The following ADGRV1 variants were observed in gnomAD, a reference collection of about 807,000 sequenced individuals.
ADGRV1 encodes adhesion G protein-coupled receptor V1, also known as G-protein coupled receptor 98.
In ADGRV1, 359 loss-of-function variants were observed where a neutral mutation model predicts 596.2. The observed-to-expected ratio is 0.60, with a 90% CI of 0.55 to 0.66. ADGRV1 has a LOEUF of 0.66. Ranked by LOEUF, ADGRV1 falls within the 30% of genes least tolerant of loss-of-function variation. ADGRV1 has a pLI of 0.00. For synonymous variants in ADGRV1, 2,681 were observed against 2,679.2 expected, an observed-to-expected ratio of 1.00 and a Z score of -0.02; for missense variants, 7,274 against 7,575.6, an observed-to-expected ratio of 0.96 and a Z score of 1.48.
intron 4 of ADGRV1, among the ~76,000 whole-genome samples, chr5:90,621,580 C>T (rs148506463): frequency 2.6e-5 from 4 of 152,264 alleles, no homozygotes; most frequent in African/African-American, 7.2e-5. Context: ...GTATCACCTC[C>T]GACCTCATAC....
At chr5:90,799,796 T>C (rs1449016392) in intron 70 of ADGRV1, among the ~76,000 whole-genome samples, 3 of 152,154 alleles carry the variant, frequency 2.0e-5, no homozygotes, top group African/African-American at 4.8e-5. Context: ...CATCTGATCT[T>C]TGACAAACCT....
chr5:90,736,215 A>G (rs1485769343), intron 50 of ADGRV1, among the ~76,000 whole-genome samples: 1 of 152,076 alleles, frequency 6.6e-6, no homozygotes, highest in Non-Finnish European at 1.5e-5. Context: ...AATACTTTGC[A>G]TCAATTTAGA....
Position 90,778,537 on chromosome 5 carries a change from G to T in ADGRV1, c.12777G>T (p.Val4259=). The change falls in exon 63 of 90, where the codon GTG becomes GTT. Residue 4259 remains valine, a synonymous_variant. Coordinates refer to ENST00000405460, the MANE Select transcript of ADGRV1 (RefSeq NM_032119.4). ...CCAGCAGCACTGCCAACATCACGGT[G>T]GTGGCCAGCGACTCTCCCTATGGCC... is the stretch of plus-strand genomic sequence containing the variant. ...SESSSTANIT[V]VASDSPYGRF... 1.2e-6 allele frequency: 2 copies of T among 1,612,776 alleles called. No individual in the cohort carries two copies. The highest frequency in any genetic ancestry group is 8.5e-7 in the Non-Finnish European group (1 of 1,179,330).
chr5:90,847,460 G>A (rs1766007816), intron 78 of ADGRV1, among the ~76,000 whole-genome samples: 1 of 152,232 alleles, frequency 6.6e-6, no homozygotes, highest in Admixed American at 6.5e-5. Flanking sequence ...TTCACCCAGT[G>A]GATCCCGCAC....
At chr5:90,822,303 G>T (rs1489940542) in intron 75 of ADGRV1, 2 of 153,366 alleles carry the variant, frequency 1.3e-5, no homozygotes, top group Non-Finnish European at 2.9e-5. Flanking sequence ...CCACTGACCT[G>T]CGCCCACTGT....
intron 59 of ADGRV1, among the ~76,000 whole-genome samples, chr5:90,765,010 A>T (rs949754058): frequency 1.3e-5 from 2 of 152,110 alleles, no homozygotes; most frequent in Non-Finnish European, 2.9e-5. Context: ...GGAGGAGAGA[A>T]GCACTCCCAC....
rs370594756 is a variant in ADGRV1 at position 90,896,868 on chromosome 5, C to T, written c.17856+33011C>T. ...TTGTGCCTGCACCAGCACAAGACAG[C>T]ATTAATTGGGCAAGAAGGGGCCTAT... On this transcript the variant is annotated intron_variant, in intron 83 of 89. Coordinates refer to ENST00000405460, the MANE Select transcript of ADGRV1 (RefSeq NM_032119.4). Among the ~76,000 whole-genome samples, 25 of 152,280 alleles carry T rather than the reference C, an allele frequency of 1.6e-4. No homozygotes were observed. The East Asian group carries it at 4.1e-3, about 25-fold the overall frequency.
Position 90,658,136 on chromosome 5 carries a change from GAGA to G in ADGRV1, c.4615_4617del (p.Glu1539del). ...GCAAGAGATGACAATGACGAGGAAG[GAGA>G]AGAATTATTCATTCTTAAACTAGTT... On this transcript the variant is annotated inframe_deletion, in exon 21 of 90. Coordinates refer to ENST00000405460, the MANE Select transcript of ADGRV1 (RefSeq NM_032119.4). 6.2e-7 allele frequency: 1 copy of G among 1,613,596 alleles called. No individual in the cohort carries two copies. The highest frequency in any genetic ancestry group is 8.5e-7 in the Non-Finnish European group (1 of 1,179,606).
Position 90,941,758 on chromosome 5 carries a change from G to C in ADGRV1, c.17857-23657G>C, listed in dbSNP as rs559876853. 2.6e-5 allele frequency among the ~76,000 whole-genome samples: 4 copies of C among 152,312 alleles called. No homozygotes were observed. In the South Asian group the frequency reaches 8.3e-4, roughly 32 times the overall value. ...AATAAAACCCACAGCTAAGTTAGGC[G>C]TGTATGTTGATGTTTCATTTAGTAG... On this transcript the variant is annotated intron_variant, in intron 83 of 89. Transcript: ENST00000405460.
intron 83 of ADGRV1, among the ~76,000 whole-genome samples, chr5:90,887,692 A>G (rs1271019883): frequency 6.6e-6 from 1 of 152,196 alleles, no homozygotes; most frequent in East Asian, 1.9e-4. Context: ...AGATTTTATA[A>G]TAAAAAATAA....
intron 1 of ADGRV1, among the ~76,000 whole-genome samples, chr5:90,572,284 G>A (rs1454253020): frequency 6.6e-6 from 1 of 152,064 alleles, no homozygotes; most frequent in African/African-American, 2.4e-5. Context: ...GAAGGATAAA[G>A]GAGGCATTTA....
At chr5:90,799,324 C>A (rs140201441) in intron 70 of ADGRV1, among the ~76,000 whole-genome samples, 6,574 of 152,064 alleles carry the variant, frequency 0.043, 504 homozygotes, top group African/African-American at 0.15. Context: ...ACTCCCATTC[C>A]CAATTGCTAC....
At chr5:90,670,407 A>C (rs972917516) in intron 21 of ADGRV1, among the ~76,000 whole-genome samples, 6 of 152,214 alleles carry the variant, frequency 3.9e-5, no homozygotes, top group Non-Finnish European at 7.3e-5. Flanking sequence ...TACTGCTTCA[A>C]CCCTGAGCAG....
chr5:91,019,795 G>A (rs533419524), intron 85 of ADGRV1, among the ~76,000 whole-genome samples: 5 of 151,966 alleles, frequency 3.3e-5, no homozygotes, highest in South Asian at 4.1e-4. Flanking sequence ...TCTCCACATC[G>A]TTAGCTCTTC....
chr5:90,759,277 G>T, intron 57 of ADGRV1, 132 bp from the exon 58 acceptor site: 1 of 629,168 alleles, frequency 1.6e-6, no homozygotes, highest in South Asian at 2.2e-5. Flanking sequence ...ATGTTTCTGA[G>T]ATTTTTGGTT....
chr5:90,618,076 T>G, intron 3 of ADGRV1, 123 bp downstream of exon 3: 1 of 652,782 alleles, frequency 1.5e-6, no homozygotes. Flanking sequence ...GGTGGTGGTA[T>G]TCATAGAATC....
At chr5:90,712,005 C>T (rs1209036070) in intron 41 of ADGRV1, among the ~76,000 whole-genome samples, 1 of 152,124 alleles carries the variant, frequency 6.6e-6, no homozygotes, top group African/African-American at 2.4e-5. Flanking sequence ...AGGCTGGTCT[C>T]TCAATCTCCT....
In ADGRV1 at chr5:90,705,420, G is replaced by A. The variant is rs111033530; in HGVS notation, c.8407G>A (p.Ala2803Thr). Reference protein sequence around the residue: ...RTQGVPPAGIALLDAQGYAAV... With the variant: ...RTQGVPPAGITLLDAQGYAAV... The stretch of plus-strand genomic sequence containing the variant: ...TTTAGGAGTTCCACCAGCCGGAATC[G>A]CCCTGCTTGATGCTCAAGGATATGC... The change falls in exon 37 of 90, where the codon GCC becomes ACC. Residue 2803 changes from alanine (A) to threonine (T), a missense_variant. Ala to Thr is a moderately conservative substitution (Grantham distance 58). Transcript: ENST00000405460. The A allele has an allele frequency of 0.016, 25,212 of 1,613,454 alleles. 237 individuals are homozygous for A. Among genetic ancestry groups the A allele is most frequent in the Non-Finnish European group, 0.019 (22,297 of 1,179,586 alleles).
intron 48 of ADGRV1, 76 bp downstream of exon 48, chr5:90,725,732 A>C: frequency 1.2e-6 from 1 of 840,394 alleles, no homozygotes; most frequent in Non-Finnish European, 2.0e-6. Context: ...TACCAAAGGT[A>C]TGGTCTGCTG....
Sources: allele counts gnomAD v4.1 joint callset (sites outside exome capture counted in the v4.1 genomes callset), GRCh38; gene constraint gnomAD v4.1.1; transcripts MANE v1.5; gene names NCBI Gene and HGNC (gene_info 2026-07-23, HGNC 2026-07-21).